Variants in TFDP1 observed in about 807,000 individuals in gnomAD.
TFDP1 encodes transcription factor Dp-1.
A neutral mutation model predicts 48.0 loss-of-function variants in TFDP1; 6 were observed. The observed-to-expected ratio is 0.13, with a 90% CI of 0.07 to 0.25. The LOEUF (loss-of-function observed/expected upper bound fraction) is 0.25, where lower values mean the gene tolerates loss of function less well. Among genes scored for constraint, TFDP1 ranks in the 10% least tolerant of loss-of-function variants. TFDP1 has a pLI of 1.00. For synonymous variants in TFDP1, 201 were observed against 211.6 expected (o/e 0.95, Z 0.44); for missense variants, 335 against 543.0 (o/e 0.62, Z 3.81).
intron 2 of TFDP1, among the ~76,000 whole-genome samples, chr13:113,591,503 C>G (rs2140278891): frequency 6.6e-6 from 1 of 152,280 alleles, no homozygotes; most frequent in East Asian, 1.9e-4. Flanking sequence ...GAAGAAATCT[C>G]TGGAGTTCGT....
intron 4 of TFDP1, among the ~76,000 whole-genome samples, chr13:113,625,557 G>T (rs1400919411): frequency 1.5e-5 from 2 of 133,626 alleles, no homozygotes; most frequent in Non-Finnish European, 3.1e-5. Context: ...GTGTCCTCAG[G>T]TGTCTCTCAC....
intron 2 of TFDP1, among the ~76,000 whole-genome samples, chr13:113,597,726 ACCT>A (rs996898129): frequency 6.6e-6 from 1 of 152,000 alleles, no homozygotes; most frequent in African/African-American, 2.4e-5. Context: ...GCTGTGTAAG[ACCT>A]CCTCCCAGCC....
rs1237743282 is a variant in TFDP1 at position 113,615,536 on chromosome 13, T to A, written c.79+4474T>A. Among the ~76,000 whole-genome samples the A allele has an allele frequency of 8.5e-5, 13 of 152,300 alleles. No individual in the cohort carries two copies. The East Asian group carries it at 2.5e-3, about 29-fold the overall frequency. ...TGGCCTGGAAGTGTGCTTGTCTGTC[T>A]CTACCTCAGGGCTGCTTGTGCACCT... On this transcript the variant is annotated intron_variant, in intron 3 of 11. Coordinates refer to ENST00000375370, the MANE Select transcript of TFDP1 (RefSeq NM_007111.5).
At chr13:113,600,087 C>T (rs1218901272) in intron 2 of TFDP1, among the ~76,000 whole-genome samples, 7 of 150,004 alleles carry the variant, frequency 4.7e-5, no homozygotes, top group African/African-American at 9.9e-5. Flanking sequence ...CGTAGGGCTC[C>T]AGGACCATGA....
chr13:113,636,317 C>T (rs1221559713), intron 9 of TFDP1, among the ~76,000 whole-genome samples, 189 bp downstream of exon 9: 2 of 152,252 alleles, frequency 1.3e-5, no homozygotes. Context: ...GTTCCGGGAG[C>T]GTGTGCCTTA....
Position 113,633,795 on chromosome 13 carries a change from G to T in TFDP1, c.475-95G>T. ...ATGTTGGGGTGGCGGCTCCGTGAGCGGGGTGCCCCTTTGAGCCAGTGCCCA... is the reference window on the plus strand; with the variant it reads ...ATGTTGGGGTGGCGGCTCCGTGAGCTGGGTGCCCCTTTGAGCCAGTGCCCA... On this transcript the variant is annotated intron_variant, in intron 6 of 11. Transcript: ENST00000375370. This position sits in a 1 kb window ranked among gnomAD's most constrained non-coding sequence, Gnocchi z 4.5. The T allele has an allele frequency of 6.9e-7, 1 of 1,451,830 alleles. No individual in the cohort carries two copies. The highest frequency in any genetic ancestry group is 1.3e-5 in the South Asian group (1 of 74,360). The allele number at this position is 1,451,830 out of a possible 1,614,324, so 89.9% of individuals were successfully genotyped here. A position where few individuals can be genotyped will look rare whatever the true frequency, so the allele number is the denominator to read the frequency against.
rs542456869 is a variant in TFDP1, at chr13:113,601,685, C to T, written c.13-9311C>T. Among the ~76,000 whole-genome samples the T allele has an allele frequency of 9.2e-5, 14 of 152,348 alleles. No individual in the cohort carries two copies. In the East Asian group the frequency reaches 1.9e-3, roughly 21 times the overall value. The stretch of plus-strand genomic sequence containing the variant: ...GAGCTCGAGGCTGGGGTCCCAGGCC[C>T]GGCCCCAGAGGAAGGGCCTGTGGCC... On this transcript the variant is annotated intron_variant, in intron 2 of 11. Coordinates refer to ENST00000375370, the MANE Select transcript of TFDP1 (RefSeq NM_007111.5).
At chr13:113,606,951 G>T (rs1214133018) in intron 2 of TFDP1, among the ~76,000 whole-genome samples, 1 of 152,148 alleles carries the variant, frequency 6.6e-6, no homozygotes, top group East Asian at 1.9e-4. Context: ...GGAAATTAAG[G>T]TTGAGACTGT....
chr13:113,623,276 C>T lies in TFDP1; in HGVS notation c.176C>T (p.Ala59Val), dbSNP rs756279203. ...KTFGQSNVNI[A>V]QQVVIGTPQR... Reference sequence around the variant, plus strand: ...TTTGGACAGTCCAATGTCAACATTGCCCAGCAAGTGGTAAGCCTCCCGCAG... The same window carrying T: ...TTTGGACAGTCCAATGTCAACATTGTCCAGCAAGTGGTAAGCCTCCCGCAG... Residue 59 changes from alanine to valine, a missense_variant, in exon 4 of 12, where the codon GCC becomes GTC. Physicochemically the swap from Ala to Val is moderately conservative, Grantham distance 64. Around this residue, in one of 3 missense-constraint regions of TFDP1, gnomAD observed 103 missense variants for 140.4 expected, o/e 0.73. Coordinates refer to ENST00000375370, the MANE Select transcript of TFDP1 (RefSeq NM_007111.5). This position sits in a 1 kb window ranked among gnomAD's most constrained non-coding sequence, Gnocchi z 5.2. 2.5e-6 allele frequency: 4 copies of T among 1,611,122 alleles called. No individual in the cohort carries two copies. Among genetic ancestry groups the T allele is most frequent in the Non-Finnish European group, 3.4e-6 (4 of 1,178,684 alleles).
chr13:113,618,379 G>A (rs548162152), intron 3 of TFDP1, among the ~76,000 whole-genome samples: 15 of 152,078 alleles, frequency 9.9e-5, no homozygotes, highest in African/African-American at 3.1e-4. Flanking sequence ...AAAATTAGCC[G>A]GGTATGGTTG....
chr13:113,610,878 G>C, intron 2 of TFDP1, 118 bp from the exon 3 acceptor site: 1 of 897,380 alleles, frequency 1.1e-6, no homozygotes, highest in Non-Finnish European at 1.8e-6. Flanking sequence ...GCTTAACTGT[G>C]GTCCTTCTGC....
intron 4 of TFDP1, 82 bp from the exon 5 acceptor site, chr13:113,631,541 C>A (rs535857992): frequency 6.7e-7 from 1 of 1,499,244 alleles, no homozygotes. Flanking sequence ...GCAGTGGCTG[C>A]GGATAGCGAA....
chr13:113,602,914 GGAA>G (rs2048473799), intron 2 of TFDP1, among the ~76,000 whole-genome samples: 1 of 150,404 alleles, frequency 6.6e-6, no homozygotes. Flanking sequence ...GGGCCACATT[GGAA>G]GAAGAATTGT....
At chr13:113,585,418 CTGTGCCCAG>C (rs2047976727) in intron 1 of TFDP1, 1 of 155,972 alleles carries the variant, frequency 6.4e-6, no homozygotes. Context: ...GACCCCGGGG[CTGTGCCCAG>C]GTGGGTGGTG....
intron 3 of TFDP1, among the ~76,000 whole-genome samples, chr13:113,618,089 T>G (rs1482769992): frequency 1.3e-5 from 2 of 152,254 alleles, no homozygotes; most frequent in Non-Finnish European, 2.9e-5. Context: ...TTCTATTGAG[T>G]TGGCTTGTGG....
chr13:113,594,054 G>A lies in TFDP1; in HGVS notation c.12+8205G>A, dbSNP rs574521050. Among the ~76,000 whole-genome samples, 287 of 138,834 alleles carry A rather than the reference G, an allele frequency of 2.1e-3. 3 individuals carry two copies. The highest frequency in any genetic ancestry group is 7.5e-3 in the African/African-American group (271 of 36,020). 91.1% of individuals were successfully genotyped at this position (138,834 alleles called of 152,430 possible). A position where few individuals can be genotyped will look rare whatever the true frequency, so the allele number is the denominator to read the frequency against. On this transcript the variant is annotated intron_variant, in intron 2 of 11. Transcript: ENST00000375370. Reference sequence around the variant, plus strand: ...CAGGTCCTCACCCACCCAGGTGACAGGTGTGGTGTACACGGGTCCTCAGCC... The same window carrying A: ...CAGGTCCTCACCCACCCAGGTGACAAGTGTGGTGTACACGGGTCCTCAGCC...
chr13:113,630,453 G>A (rs1294203243), intron 4 of TFDP1, among the ~76,000 whole-genome samples: 1 of 152,106 alleles, frequency 6.6e-6, no homozygotes, highest in Non-Finnish European at 1.5e-5. Flanking sequence ...CAGGGCCACC[G>A]CAGGTGATGC....
chr13:113,599,491 G>A (rs745510643), intron 2 of TFDP1, among the ~76,000 whole-genome samples: 1 of 152,282 alleles, frequency 6.6e-6, no homozygotes, highest in East Asian at 1.9e-4. Flanking sequence ...GCGCCCTCAC[G>A]TACTCCACCC....
At chr13:113,593,137 C>T (rs1268467332) in intron 2 of TFDP1, among the ~76,000 whole-genome samples, 1 of 141,618 alleles carries the variant, frequency 7.1e-6, no homozygotes, top group Non-Finnish European at 1.5e-5. Flanking sequence ...TCAGCCCTGC[C>T]CAGGTGACAG....
Sources: gnomAD v4.1 joint callset for allele counts (sites outside exome capture counted in the v4.1 genomes callset) on GRCh38, gnomAD v4.1.1 for gene constraint, gnomAD v4.1.1 regional missense constraint, Gnocchi (gnomAD v3.1) non-coding constraint, MANE v1.5 for transcripts, NCBI Gene and HGNC (gene_info 2026-07-23, HGNC 2026-07-21) for gene names.